Variants in ANKIB1 observed in about 807,000 individuals in gnomAD.
The protein encoded by ANKIB1 is ankyrin repeat and IBR domain containing 1.
Under a neutral mutation model 122.1 loss-of-function variants are expected in ANKIB1, and 43 were observed. The ratio of observed to expected loss-of-function variants is 0.35; its 90% CI spans 0.28 to 0.45. ANKIB1 has a LOEUF of 0.45. ANKIB1 is among the 20% of genes least tolerant of loss of function. The pLI, the probability that ANKIB1 is intolerant of heterozygous loss-of-function variation, is 1.00. For missense variants in ANKIB1, 992 were observed against 1,329.5 expected (o/e 0.75, Z 3.95); for synonymous variants, 390 against 442.0 (o/e 0.88, Z 1.48).
chr7:92,315,449 G>A (rs1457985070), intron 3 of ANKIB1, among the ~76,000 whole-genome samples: 5 of 152,170 alleles, frequency 3.3e-5, no homozygotes, highest in Admixed American at 3.3e-4. Context: ...GTATAGATGA[G>A]AGATGCAAGG....
intron 18 of ANKIB1, among the ~76,000 whole-genome samples, chr7:92,397,246 G>A (rs1021985048): frequency 3.3e-5 from 5 of 152,110 alleles, no homozygotes; most frequent in African/African-American, 1.2e-4. Flanking sequence ...CCAGCACTTT[G>A]GGAGGCCAAG....
At chr7:92,348,896 A>G (rs1450889083) in intron 7 of ANKIB1, among the ~76,000 whole-genome samples, 1 of 152,238 alleles carries the variant, frequency 6.6e-6, no homozygotes, top group Admixed American at 6.5e-5. Context: ...GAATTCTTTA[A>G]TAAGTTGGGC....
intron 7 of ANKIB1, among the ~76,000 whole-genome samples, chr7:92,350,112 ACTC>A (rs1356303876): frequency 6.6e-6 from 1 of 151,888 alleles, no homozygotes; most frequent in Non-Finnish European, 1.5e-5. Context: ...TTTCCTCACT[ACTC>A]AAGTATACCT....
intron 5 of ANKIB1, among the ~76,000 whole-genome samples, chr7:92,338,525 G>T (rs1388488327): frequency 6.6e-6 from 1 of 152,044 alleles, no homozygotes; most frequent in African/African-American, 2.4e-5. Context: ...CATTTTACAT[G>T]TCCAGTTATT....
At chr7:92,268,196 T>A (rs1562765651) in intron 1 of ANKIB1, among the ~76,000 whole-genome samples, 1 of 152,216 alleles carries the variant, frequency 6.6e-6, no homozygotes, top group Non-Finnish European at 1.5e-5. Context: ...AAACCTATTC[T>A]TTCTCCATTG....
intron 1 of ANKIB1, among the ~76,000 whole-genome samples, chr7:92,275,963 A>T (rs547576075): frequency 6.6e-6 from 1 of 152,310 alleles, no homozygotes; most frequent in South Asian, 2.1e-4. Flanking sequence ...GTAATTTTAT[A>T]TCATAACCTT....
rs1213239683 is a variant in ANKIB1, at chr7:92,265,843, G to A, written c.-91+19324G>A. 5.9e-5 allele frequency among the ~76,000 whole-genome samples: 9 copies of A among 152,258 alleles called. No individual in the cohort carries two copies. The South Asian group carries it at 1.2e-3, about 21-fold the overall frequency. On this transcript the variant is annotated intron_variant, in intron 1 of 19. Transcript: ENST00000265742. ...GGTGGAAAGGATCAAAAGAATGGAG[G>A]TAACCAGTTATATCTCTAGTACAAG...
intron 17 of ANKIB1, 175 bp from the exon 18 acceptor site, chr7:92,396,187 TCCA>T: frequency 1.7e-6 from 1 of 588,038 alleles, no homozygotes; most frequent in Non-Finnish European, 3.0e-6. Flanking sequence ...ACTTTCTTTT[TCCA>T]TTTTACCTTT....
At chr7:92,375,307 C>T (rs1804356008) in intron 11 of ANKIB1, among the ~76,000 whole-genome samples, 1 of 152,074 alleles carries the variant, frequency 6.6e-6, no homozygotes, top group African/African-American at 2.4e-5. Context: ...CTGTTGACTG[C>T]CTTTCACAAT....
At chr7:92,293,920 A>G (rs1474442215) in intron 1 of ANKIB1, among the ~76,000 whole-genome samples, 2 of 152,238 alleles carry the variant, frequency 1.3e-5, no homozygotes, top group East Asian at 1.9e-4. Flanking sequence ...TATTGGACTC[A>G]TTAACTAAGG....
chr7:92,345,107 G>A, intron 7 of ANKIB1, 41 bp downstream of exon 7: 2 of 1,356,990 alleles, frequency 1.5e-6, no homozygotes, highest in South Asian at 1.2e-5. Context: ...CTGCATGATA[G>A]CACTCTGATT....
intron 11 of ANKIB1, among the ~76,000 whole-genome samples, chr7:92,371,891 C>T (rs1011063744): frequency 6.6e-6 from 1 of 150,678 alleles, no homozygotes; most frequent in African/African-American, 2.4e-5. Context: ...TTCATGAATC[C>T]TTCCTTGCTA....
chr7:92,391,105 G>A, intron 15 of ANKIB1, 61 bp from the exon 16 acceptor site: 1 of 1,409,708 alleles, frequency 7.1e-7, no homozygotes, highest in Non-Finnish European at 9.5e-7. Context: ...CATAGACCCT[G>A]GATTTGCTAT....
In ANKIB1 at chr7:92,337,727, G is replaced by C. The variant is rs188713933; in HGVS notation, c.788-5297G>C. ...CCTTTTCAGAATTGCCATGCACCTG[G>C]CTTGAATTACATGCCAATTAACAAA... On this transcript the variant is annotated intron_variant, in intron 5 of 19. Coordinates refer to ENST00000265742, the MANE Select transcript of ANKIB1 (RefSeq NM_019004.2). Among the ~76,000 whole-genome samples, 555 of 152,198 alleles carry C rather than the reference G, an allele frequency of 3.6e-3. 3 individuals carry two copies. The highest frequency in any genetic ancestry group is 6.8e-3 in the Middle Eastern group (2 of 294).
chr7:92,387,963 C>G lies in ANKIB1; in HGVS notation c.1840-12C>G. ...AGAGAATGGTTTAAATTCTTTATTT[C>G]TATTCCTTTAGCTAGAACAACGCCT... On this transcript the variant is annotated splice_polypyrimidine_tract_variant and intron_variant, in intron 13 of 19. Transcript: ENST00000265742. The G allele has an allele frequency of 6.3e-7, 1 of 1,591,876 alleles. No individual in the cohort carries two copies. Among genetic ancestry groups the G allele is most frequent in the South Asian group, 1.1e-5 (1 of 88,156 alleles).
intron 5 of ANKIB1, among the ~76,000 whole-genome samples, chr7:92,329,418 G>A (rs957878277): frequency 5.9e-5 from 9 of 152,128 alleles, no homozygotes; most frequent in Admixed American, 1.3e-4. Context: ...AAGTCATTAG[G>A]TCTAGTGTAA....
intron 1 of ANKIB1, among the ~76,000 whole-genome samples, chr7:92,293,841 C>G (rs1272895677): frequency 6.6e-6 from 1 of 152,002 alleles, no homozygotes; most frequent in Admixed American, 6.6e-5. Flanking sequence ...TTCTTTGTCA[C>G]TAATTTTCAT....
intron 17 of ANKIB1, among the ~76,000 whole-genome samples, chr7:92,392,797 ACT>A (rs1284216076): frequency 6.6e-6 from 1 of 151,790 alleles, no homozygotes; most frequent in Admixed American, 6.6e-5. Flanking sequence ...AGACTTTCAC[ACT>A]CTTCTTGTTT....
Position 92,295,804 on chromosome 7 carries a change from A to G in ANKIB1, c.188+638A>G, listed in dbSNP as rs1025436405. On this transcript the variant is annotated intron_variant, in intron 2 of 19. Transcript: ENST00000265742. ...GAAGCTTTAGTGACATAGCAAATCT[A>G]TTTATATGAAGATTCTTACCTAATC... is the stretch of plus-strand genomic sequence containing the variant. 5.3e-5 allele frequency among the ~76,000 whole-genome samples: 8 copies of G among 152,316 alleles called. No homozygotes were observed. The South Asian group carries it at 6.2e-4, about 12-fold the overall frequency.
Sources: gnomAD v4.1 joint callset for allele counts (sites outside exome capture counted in the v4.1 genomes callset) on GRCh38, gnomAD v4.1.1 for gene constraint, MANE v1.5 for transcripts, NCBI Gene and HGNC (gene_info 2026-07-23, HGNC 2026-07-21) for gene names.